The following CDH12 variants were observed in gnomAD, a reference collection of about 807,000 sequenced individuals.
CDH12 encodes the protein cadherin-12.
Under a neutral mutation model 74.1 loss-of-function variants are expected in CDH12, and 41 were observed. That is an observed-to-expected ratio of 0.55 (90% CI 0.43 to 0.72). The LOEUF (loss-of-function observed/expected upper bound fraction) is 0.72. CDH12 is among the 30% of genes least tolerant of loss of function. The pLI is 0.00. For missense variants in CDH12, 945 were observed against 977.2 expected (o/e 0.97, Z 0.44); for synonymous variants, 399 against 355.0 (o/e 1.12, Z -1.39).
chr5:22,424,433 C>G (rs1007115873), intron 2 of CDH12, among the ~76,000 whole-genome samples: 7 of 152,134 alleles, frequency 4.6e-5, no homozygotes, highest in African/African-American at 1.7e-4. Context: ...CCCTGCTGAT[C>G]GAGCTCAAAG....
At chr5:22,742,926 T>C (rs1038864430) in intron 1 of CDH12, among the ~76,000 whole-genome samples, 4 of 151,868 alleles carry the variant, frequency 2.6e-5, no homozygotes, top group African/African-American at 9.7e-5. Context: ...GAGATTAACA[T>C]TTAAATGGAA....
chr5:21,974,245 T>G (rs549815447), intron 6 of CDH12, among the ~76,000 whole-genome samples: 1 of 151,468 alleles, frequency 6.6e-6, no homozygotes, highest in Admixed American at 6.6e-5. Context: ...CTACATGTGA[T>G]AAGTTGCTTT....
chr5:22,078,406 C>G, intron 5 of CDH12, 40 bp downstream of exon 5: 1 of 1,568,754 alleles, frequency 6.4e-7, no homozygotes, highest in Non-Finnish European at 8.8e-7. Flanking sequence ...GCATATTCCC[C>G]CTTCCTATCA....
chr5:22,618,314 T>C (rs974735293), intron 1 of CDH12, among the ~76,000 whole-genome samples: 2 of 152,150 alleles, frequency 1.3e-5, no homozygotes, highest in African/African-American at 2.4e-5. Flanking sequence ...TTTATCAGCA[T>C]GTTTCCAGAT....
chr5:22,643,545 A>G (rs1208498691), intron 1 of CDH12, among the ~76,000 whole-genome samples: 3 of 152,122 alleles, frequency 2.0e-5, no homozygotes, highest in Non-Finnish European at 4.4e-5. Flanking sequence ...TTTTGGCAAT[A>G]TCACGCCTAC....
intron 1 of CDH12, among the ~76,000 whole-genome samples, chr5:22,816,785 T>C (rs1238662025): frequency 6.6e-6 from 1 of 152,128 alleles, no homozygotes; most frequent in African/African-American, 2.4e-5. Context: ...CAGTGGGAGG[T>C]AAATTTCTGT....
intron 3 of CDH12, among the ~76,000 whole-genome samples, chr5:22,379,778 T>C (rs1741682609): frequency 6.6e-6 from 1 of 152,090 alleles, no homozygotes; most frequent in South Asian, 2.1e-4. Flanking sequence ...TTATTTGAGA[T>C]TGAGTCTCTT....
rs576970001 is a variant in CDH12, at chr5:21,795,912, C to A, written c.1256+6255G>T. 2.0e-5 allele frequency among the ~76,000 whole-genome samples: 3 copies of A among 152,022 alleles called. No homozygotes were observed. In the East Asian group the frequency reaches 5.8e-4, roughly 29 times the overall value. ...AAAAATCAATTCCAATTGATTACAG[C>A]AATTTTTACAAAAGTGTGGTAAAAA... On this transcript the variant is annotated intron_variant, in intron 10 of 14. Coordinates refer to ENST00000382254, the MANE Select transcript of CDH12 (RefSeq NM_004061.5).
rs958296391 is a variant in CDH12, at chr5:22,040,689, A to T, written c.231+37757T>A. On this transcript the variant is annotated intron_variant, in intron 5 of 14. Coordinates refer to ENST00000382254, the MANE Select transcript of CDH12 (RefSeq NM_004061.5). The stretch of plus-strand genomic sequence containing the variant: ...CTGAAAGATAAAAACATGCGTGTCA[A>T]GAATTCTATAGCTACCAAACTTGTC... 7.9e-5 allele frequency among the ~76,000 whole-genome samples: 12 copies of T among 152,332 alleles called. No individual in the cohort carries two copies. In the South Asian group the frequency reaches 2.3e-3, roughly 29 times the overall value.
chr5:22,478,640 T>C (rs192293973), intron 2 of CDH12, among the ~76,000 whole-genome samples: 6 of 152,066 alleles, frequency 3.9e-5, no homozygotes, highest in Admixed American at 2.6e-4. Flanking sequence ...CATTGACTTC[T>C]GTCCTCAGAG....
At chr5:21,964,621 A>T (rs1247824380) in intron 6 of CDH12, among the ~76,000 whole-genome samples, 3 of 152,004 alleles carry the variant, frequency 2.0e-5, no homozygotes, top group African/African-American at 4.8e-5. Flanking sequence ...TAAGTTTCCC[A>T]TTAAGCTAAG....
At chr5:22,025,198 G>T (rs1040880760) in intron 5 of CDH12, among the ~76,000 whole-genome samples, 1 of 152,040 alleles carries the variant, frequency 6.6e-6, no homozygotes, top group Non-Finnish European at 1.5e-5. Flanking sequence ...TCTAGCCATG[G>T]CTAACACAAA....
At chr5:22,506,304 T>A (rs1736385347) in intron 1 of CDH12, among the ~76,000 whole-genome samples, 2 of 152,158 alleles carry the variant, frequency 1.3e-5, no homozygotes, top group Admixed American at 1.3e-4. Context: ...ATTTGTTTGT[T>A]TCCTTGTTTG....
chr5:22,279,975 T>C (rs1488547815), intron 3 of CDH12, among the ~76,000 whole-genome samples: 2 of 152,192 alleles, frequency 1.3e-5, no homozygotes, highest in Non-Finnish European at 2.9e-5. Flanking sequence ...ATGGTTGAAC[T>C]AGTTTACAGT....
intron 1 of CDH12, among the ~76,000 whole-genome samples, chr5:22,637,589 C>A (rs1366311022): frequency 6.6e-6 from 1 of 152,198 alleles, no homozygotes; most frequent in Non-Finnish European, 1.5e-5. Context: ...AGCAAAATGG[C>A]GCAGATTGCG....
intron 1 of CDH12, among the ~76,000 whole-genome samples, chr5:22,844,662 GAA>G (rs1215736619): frequency 1.3e-5 from 2 of 152,096 alleles, no homozygotes; most frequent in African/African-American, 4.8e-5. Context: ...CAAAGAAAAA[GAA>G]AAGACTCTGT....
intron 1 of CDH12, among the ~76,000 whole-genome samples, chr5:22,712,787 G>T (rs3103161): frequency 0.3 from 45,204 of 152,022 alleles, 6,915 homozygotes; most frequent in South Asian, 0.34. Flanking sequence ...AAGCTAGGAT[G>T]TGTACAAAAG....
At chr5:22,658,139 A>T (rs1458487945) in intron 1 of CDH12, among the ~76,000 whole-genome samples, 1 of 152,154 alleles carries the variant, frequency 6.6e-6, no homozygotes, top group African/African-American at 2.4e-5. Context: ...ATTTGTGGGC[A>T]AAGTTTTTGT....
chr5:21,848,571 T>C (rs1163104054), intron 7 of CDH12, among the ~76,000 whole-genome samples: 1 of 152,006 alleles, frequency 6.6e-6, no homozygotes, highest in African/African-American at 2.4e-5. Flanking sequence ...ACTAGTACAT[T>C]CTTGAATAAT....
Sources: gnomAD v4.1 joint callset for allele counts (sites outside exome capture counted in the v4.1 genomes callset) on GRCh38, gnomAD v4.1.1 for gene constraint, MANE v1.5 for transcripts, NCBI Gene and HGNC (gene_info 2026-07-23, HGNC 2026-07-21) for gene names.